SLIT1: variants seen among roughly 807,000 people sequenced by gnomAD.
SLIT1 encodes slit guidance ligand 1.
In SLIT1, 66 loss-of-function variants were observed where a neutral mutation model predicts 186.1. The ratio of observed to expected loss-of-function variants is 0.35; its 90% CI spans 0.29 to 0.44. SLIT1 has a LOEUF of 0.44. SLIT1 is among the 20% of genes least tolerant of loss of function. SLIT1 has a pLI of 1.00. For synonymous variants in SLIT1, 761 were observed against 833.8 expected, an observed-to-expected ratio of 0.91 and a Z score of 1.50; for missense variants, 1,638 against 2,037.4, an observed-to-expected ratio of 0.80 and a Z score of 3.77.
intron 20 of SLIT1, among the ~76,000 whole-genome samples, chr10:97,040,526 C>T (rs1418145460): frequency 6.6e-6 from 1 of 152,086 alleles, no homozygotes; most frequent in East Asian, 1.9e-4. Context: ...AGACCTGGGC[C>T]TCTTTTCTCC....
At chr10:97,019,579 C>G (rs1848485202) in intron 26 of SLIT1, among the ~76,000 whole-genome samples, 1 of 152,190 alleles carries the variant, frequency 6.6e-6, no homozygotes, top group Non-Finnish European at 1.5e-5. Flanking sequence ...GAGCATCGTG[C>G]CCAAGCTCGG....
At chr10:97,179,351 T>C (rs572235231) in intron 1 of SLIT1, among the ~76,000 whole-genome samples, 6 of 152,184 alleles carry the variant, frequency 3.9e-5, no homozygotes. Flanking sequence ...TCCAGCTACT[T>C]GGGAGGCTGA....
chr10:97,045,974 C>A (rs1261786756), intron 18 of SLIT1, among the ~76,000 whole-genome samples: 2 of 152,186 alleles, frequency 1.3e-5, no homozygotes, highest in Admixed American at 6.5e-5. Context: ...CTGAGTAGCA[C>A]TAGCCACATT....
chr10:97,111,126 G>C (rs1849460273), intron 4 of SLIT1, among the ~76,000 whole-genome samples: 1 of 151,898 alleles, frequency 6.6e-6, no homozygotes, highest in African/African-American at 2.4e-5. Flanking sequence ...GGAGGCGGAG[G>C]TTGCAGTGAG....
At chr10:97,071,971 A>G (rs2817681) in intron 4 of SLIT1, among the ~76,000 whole-genome samples, 148,789 of 152,300 alleles carry the variant, frequency 0.98, 72,777 homozygotes, top group East Asian at 1. Context: ...AGGGAAGAGG[A>G]AGAAGGCAGA....
intron 4 of SLIT1, among the ~76,000 whole-genome samples, chr10:97,067,193 C>T (rs1412744948): frequency 6.6e-6 from 1 of 152,170 alleles, no homozygotes; most frequent in Non-Finnish European, 1.5e-5. Flanking sequence ...GAGGACTTCA[C>T]ACCTCCCCAT....
chr10:97,113,612 G>A (rs1203584060), intron 4 of SLIT1, among the ~76,000 whole-genome samples: 1 of 151,076 alleles, frequency 6.6e-6, no homozygotes, highest in Non-Finnish European at 1.5e-5. Flanking sequence ...GAGTGCAATG[G>A]TGCGATCTTA....
At chr10:97,111,813 C>G (rs982663824) in intron 4 of SLIT1, among the ~76,000 whole-genome samples, 6 of 152,148 alleles carry the variant, frequency 3.9e-5, no homozygotes, top group African/African-American at 1.4e-4. Context: ...GATGGCCCAC[C>G]ACCCTGTTAC....
chr10:97,013,321 G>A (rs900856056), intron 30 of SLIT1, among the ~76,000 whole-genome samples: 5 of 152,182 alleles, frequency 3.3e-5, no homozygotes, highest in African/African-American at 7.2e-5. Context: ...ATGCTTTCCC[G>A]AGTTTTGTGG....
chr10:97,137,028 T>G (rs1167746816), intron 4 of SLIT1, among the ~76,000 whole-genome samples: 1 of 152,144 alleles, frequency 6.6e-6, no homozygotes, highest in Non-Finnish European at 1.5e-5. Context: ...CAACCTGGAC[T>G]TCACACCAAG....
intron 4 of SLIT1, among the ~76,000 whole-genome samples, chr10:97,136,256 G>A (rs1849702706): frequency 6.6e-6 from 1 of 152,124 alleles, no homozygotes; most frequent in South Asian, 2.1e-4. Flanking sequence ...CCGTGGGAGG[G>A]CAGGGGGTGT....
rs183121038 is a variant in SLIT1 at position 97,078,120 on chromosome 10, A to T, written c.414-12034T>A. On this transcript the variant is annotated intron_variant, in intron 4 of 36. Transcript: ENST00000266058. ...AGACCCTATCTCAAAAATTTAAAAA[A>T]TAAATAAATAAAATAAAATGTGGAA... Among the ~76,000 whole-genome samples, 133 of 152,332 alleles carry T rather than the reference A, an allele frequency of 8.7e-4. 1 individual carries two copies. Among genetic ancestry groups the T allele is most frequent in the African/African-American group, 3.1e-3 (130 of 41,566 alleles).
intron 4 of SLIT1, among the ~76,000 whole-genome samples, chr10:97,092,078 C>T (rs56787058): frequency 0.024 from 3,729 of 152,312 alleles, 181 homozygotes; most frequent in African/African-American, 0.085. Flanking sequence ...AAGACTAGCA[C>T]GCAGTGACAT....
intron 1 of SLIT1, among the ~76,000 whole-genome samples, chr10:97,174,944 C>G (rs1850237134): frequency 6.6e-6 from 1 of 152,204 alleles, no homozygotes; most frequent in Non-Finnish European, 1.5e-5. Context: ...GTGGATAGTT[C>G]TGTAGTGTAC....
At chr10:97,130,798 G>A (rs750386486) in intron 4 of SLIT1, among the ~76,000 whole-genome samples, 5 of 152,192 alleles carry the variant, frequency 3.3e-5, no homozygotes, top group Admixed American at 6.5e-5. Flanking sequence ...ATCACGAGGC[G>A]CATAAAAACA....
At chr10:97,086,106 G>A (rs1353261291) in intron 4 of SLIT1, among the ~76,000 whole-genome samples, 3 of 152,212 alleles carry the variant, frequency 2.0e-5, no homozygotes, top group African/African-American at 4.8e-5. Context: ...GCTCCTTGGC[G>A]TTACCCAAAG....
At chr10:97,046,896 C>G in intron 17 of SLIT1, 95 bp downstream of exon 17, 1 of 1,570,720 alleles carries the variant, frequency 6.4e-7, no homozygotes, top group Admixed American at 1.7e-5. Flanking sequence ...AGAGTCCTGG[C>G]CCCCCGCCGT....
At position 97,042,883 on chromosome 10, in the gene SLIT1, C is replaced by G; in HGVS notation, c.2164+18G>C. On this transcript the variant is annotated intron_variant, in intron 20 of 36. Transcript: ENST00000266058. ...CCCAGGGCGCCCTCTCCCTTGCCAC[C>G]GGGGGGCCACGAGTTACCTTCCTCA... is the stretch of plus-strand genomic sequence containing the variant. 1 of 1,610,880 alleles carries G rather than the reference C, an allele frequency of 6.2e-7. No homozygotes were observed. Among genetic ancestry groups the G allele is most frequent in the Non-Finnish European group, 8.5e-7 (1 of 1,177,932 alleles).
At chr10:97,064,450 A>C (rs368013771) in intron 6 of SLIT1, among the ~76,000 whole-genome samples, 14 of 152,282 alleles carry the variant, frequency 9.2e-5, no homozygotes, top group African/African-American at 3.4e-4. Context: ...ACAGCACCAT[A>C]GACTCCAAGG....
Sources: allele counts gnomAD v4.1 joint callset (sites outside exome capture counted in the v4.1 genomes callset), GRCh38; gene constraint gnomAD v4.1.1; transcripts MANE v1.5; gene names NCBI Gene and HGNC (gene_info 2026-07-23, HGNC 2026-07-21).